The following TMEM120B variants were observed in gnomAD, a reference collection of about 807,000 sequenced individuals.
The protein encoded by TMEM120B is transmembrane protein 120B.
In TMEM120B, 31 loss-of-function variants were observed where a neutral mutation model predicts 55.5. The ratio of observed to expected loss-of-function variants is 0.56; its 90% confidence interval spans 0.42 to 0.75. The LOEUF is 0.75. TMEM120B is among the 30% of genes least tolerant of loss of function. The pLI is 0.00. For missense variants in TMEM120B, 399 were observed against 425.5 expected (o/e 0.94, Z 0.55); for synonymous variants, 203 against 176.3 (o/e 1.15, Z -1.20).
At chr12:121,730,906 C>T (rs1326487373) in intron 1 of TMEM120B, among the ~76,000 whole-genome samples, 6 of 151,504 alleles carry the variant, frequency 4.0e-5, no homozygotes, top group South Asian at 4.2e-4. Context: ...TTCGGTGAGC[C>T]GAGATTGCGC....
chr12:121,750,350 A>C, intron 3 of TMEM120B, 30 bp from the exon 4 acceptor site: 1 of 1,606,068 alleles, frequency 6.2e-7, no homozygotes, highest in Non-Finnish European at 8.5e-7. Context: ...CCTGCTAAGG[A>C]TCATGCCCCT....
At chr12:121,773,875 GA>G (rs983303354) in intron 9 of TMEM120B, among the ~76,000 whole-genome samples, 3 of 151,966 alleles carry the variant, frequency 2.0e-5, no homozygotes, top group African/African-American at 7.3e-5. Flanking sequence ...GAAGCCATAG[GA>G]GTGCCAGCCA....
chr12:121,773,951 C>CTTTTTT (rs560321014), intron 9 of TMEM120B, among the ~76,000 whole-genome samples: 18 of 96,608 alleles, frequency 1.9e-4, no homozygotes, highest in Non-Finnish European at 2.7e-4. Flanking sequence ...ACTCTGCTAT[C>CTTTTTT]TTTTTTTTTT....
At chr12:121,771,643 CTG>C in intron 8 of TMEM120B, 94 bp downstream of exon 8, 2 of 1,310,756 alleles carry the variant, frequency 1.5e-6, no homozygotes, top group Non-Finnish European at 2.2e-6. Context: ...CAGTGCTTGC[CTG>C]TGTGGCAGGG....
intron 1 of TMEM120B, among the ~76,000 whole-genome samples, chr12:121,718,676 T>C (rs1028480074): frequency 6.6e-6 from 1 of 152,294 alleles, no homozygotes; most frequent in African/African-American, 2.4e-5. Flanking sequence ...CCTGAGACTC[T>C]TAGCTCTAGA....
chr12:121,743,064 C>T (rs1872979783), intron 1 of TMEM120B, among the ~76,000 whole-genome samples: 1 of 152,090 alleles, frequency 6.6e-6, no homozygotes, highest in African/African-American at 2.4e-5. Context: ...GGCGAAGTCT[C>T]TTATATTTTT....
chr12:121,731,711 G>A (rs1592928336), intron 1 of TMEM120B, among the ~76,000 whole-genome samples: 2 of 152,302 alleles, frequency 1.3e-5, no homozygotes, highest in South Asian at 2.1e-4. Context: ...TTTCTTAAGC[G>A]ACACATGACT....
intron 1 of TMEM120B, among the ~76,000 whole-genome samples, chr12:121,742,597 A>C (rs1872964090): frequency 6.6e-6 from 1 of 151,594 alleles, no homozygotes; most frequent in Admixed American, 6.6e-5. Flanking sequence ...TTTTATTTTT[A>C]TTTTTTGAGA....
chr12:121,767,084 C>T (rs933256848), intron 6 of TMEM120B, among the ~76,000 whole-genome samples: 1 of 151,976 alleles, frequency 6.6e-6, no homozygotes, highest in Admixed American at 6.6e-5. Context: ...GCTGTCCCTA[C>T]GTCTGGCCAT....
chr12:121,714,598 T>C (rs542454079), intron 1 of TMEM120B, among the ~76,000 whole-genome samples: 5 of 139,860 alleles, frequency 3.6e-5, no homozygotes, highest in African/African-American at 1.4e-4. Flanking sequence ...AGTCTTGCTC[T>C]GTCACCAGAC....
chr12:121,744,546 C>G (rs1323868398), intron 2 of TMEM120B, among the ~76,000 whole-genome samples: 1 of 152,162 alleles, frequency 6.6e-6, no homozygotes, highest in East Asian at 1.9e-4. Context: ...GGCTGCCATC[C>G]CTGGTGGAGA....
intron 5 of TMEM120B, among the ~76,000 whole-genome samples, chr12:121,754,969 C>T (rs1178732970): frequency 6.6e-6 from 1 of 152,150 alleles, no homozygotes; most frequent in Non-Finnish European, 1.5e-5. Context: ...GTGAGCGTGA[C>T]AGGAGCTACT....
At chr12:121,731,049 G>A (rs1425650796) in intron 1 of TMEM120B, among the ~76,000 whole-genome samples, 1 of 152,138 alleles carries the variant, frequency 6.6e-6, no homozygotes, top group Non-Finnish European at 1.5e-5. Flanking sequence ...AGACAGAATA[G>A]TGATTGCCAG....
At chr12:121,713,050 G>A in intron 1 of TMEM120B, 86 bp downstream of exon 1, 1 of 1,173,932 alleles carries the variant, frequency 8.5e-7, no homozygotes, top group Non-Finnish European at 1.2e-6. Context: ...CGGGCGGTGG[G>A]GACAGTCAGG....
intron 10 of TMEM120B, among the ~76,000 whole-genome samples, 153 bp downstream of exon 10, chr12:121,774,875 G>T (rs1874184634): frequency 6.6e-6 from 1 of 152,174 alleles, no homozygotes; most frequent in South Asian, 2.1e-4. Context: ...GGGATGCCAA[G>T]GCAGGAGCCA....
chr12:121,762,190 G>A (rs950977826), intron 6 of TMEM120B, among the ~76,000 whole-genome samples: 5 of 151,340 alleles, frequency 3.3e-5, no homozygotes, highest in Non-Finnish European at 7.4e-5. Flanking sequence ...GCAGAATAGC[G>A]TGAACCCAGG....
intron 6 of TMEM120B, among the ~76,000 whole-genome samples, chr12:121,770,129 T>A (rs1329242638): frequency 6.6e-6 from 1 of 152,038 alleles, no homozygotes; most frequent in Non-Finnish European, 1.5e-5. Flanking sequence ...CCGCCGAGTG[T>A]CCTAAGCCAC....
chr12:121,770,961 G>C lies in TMEM120B; in HGVS notation c.606G>C (p.Val202=), dbSNP rs765582075. Residue 202 remains valine, a synonymous_variant, in exon 7 of 12, where the codon GTG becomes GTC. Coordinates refer to ENST00000449592, the MANE Select transcript of TMEM120B (RefSeq NM_001080825.2). ...HHYVSTFLSG[V]MLTWPNGPIY... ...ACGTCTCCACATTCCTGTCCGGAGT[G>C]ATGCTGACCTGGTGAGTAGCCCCTC... The C allele has an allele frequency of 6.2e-7, 1 of 1,614,056 alleles. No homozygotes were observed. The highest frequency in any genetic ancestry group is 8.5e-7 in the Non-Finnish European group (1 of 1,179,956).
chr12:121,775,896 G>A lies in TMEM120B; in HGVS notation c.*174G>A, dbSNP rs757861392. On this transcript the variant is annotated 3_prime_UTR_variant, in exon 12 of 12. Coordinates refer to ENST00000449592, the MANE Select transcript of TMEM120B (RefSeq NM_001080825.2). The surrounding 1 kb of genome is among the most constrained non-coding windows in gnomAD (Gnocchi z 4.3). ...AGCCCCGCCTGTCCGCACAGTGTCC[G>A]CCCACCTATTTATGACATATTTAAT... 2.1e-4 allele frequency: 147 copies of A among 684,216 alleles called. No individual in the cohort carries two copies. The highest frequency in any genetic ancestry group is 1.3e-4 in the Admixed American group (5 of 39,048). 42.4% of individuals were successfully genotyped at this position (684,216 alleles called of 1,614,324 possible).
Sources: gnomAD v4.1 joint callset for allele counts (sites outside exome capture counted in the v4.1 genomes callset) on GRCh38, gnomAD v4.1.1 for gene constraint, Gnocchi (gnomAD v3.1) non-coding constraint, MANE v1.5 for transcripts, NCBI Gene and HGNC (gene_info 2026-07-23, HGNC 2026-07-21) for gene names.